The following JRK variants were observed in gnomAD, a reference collection of about 807,000 sequenced individuals.
JRK encodes Jrk helix-turn-helix protein.
For synonymous variants in JRK, 303 were observed against 218.1 expected (o/e 1.39, Z -3.43); for missense variants, 720 against 509.2 (o/e 1.41, Z -3.98).
Position 142,663,359 on chromosome 8 carries a change from C to T in JRK, c.*993G>A, listed in dbSNP as rs920348969. On this transcript the variant is annotated 3_prime_UTR_variant, in exon 2 of 2. Transcript: ENST00000612905. ...GAAAACTGACCAGGACAGACAACTCCTCCCCAAAAGTATTACTAACGTGCT... is the reference window on the plus strand; with the variant it reads ...GAAAACTGACCAGGACAGACAACTCTTCCCCAAAAGTATTACTAACGTGCT... 18 of 985,326 alleles carry T rather than the reference C, an allele frequency of 1.8e-5. No individual in the cohort carries two copies. Among genetic ancestry groups the T allele is most frequent in the African/African-American group, 1.7e-4 (10 of 57,252 alleles). The allele number at this position is 985,326 out of a possible 1,614,324, so 61.0% of individuals were successfully genotyped here.
In JRK at chr8:142,662,929, G is replaced by GA. The variant is rs1846961837; in HGVS notation, c.*1422dup. 1.1e-6 allele frequency: 1 copy of GA among 892,352 alleles called. No individual in the cohort carries two copies. Among genetic ancestry groups the GA allele is most frequent in the East Asian group, 1.2e-4 (1 of 8,390 alleles). 55.3% of individuals were successfully genotyped at this position (892,352 alleles called of 1,614,324 possible). On this transcript the variant is annotated 3_prime_UTR_variant, in exon 2 of 2. Coordinates refer to ENST00000612905, the MANE Select transcript of JRK (RefSeq NM_003724.4). Reference sequence around the variant, plus strand: ...AATCCCAGCACTTTAGAAGGATGAGGAAGGAGGATCGCTTGAGGCCAAGAG... The same window carrying GA: ...AATCCCAGCACTTTAGAAGGATGAGGAAAGGAGGATCGCTTGAGGCCAAGAG...
rs995684047 is a variant in JRK at position 142,664,030 on chromosome 8, C to T, written c.*322G>A. 2.5e-5 allele frequency: 29 copies of T among 1,151,830 alleles called. No individual in the cohort carries two copies. The highest frequency in any genetic ancestry group is 1.6e-4 in the African/African-American group (10 of 62,896). The allele number at this position is 1,151,830 out of a possible 1,614,324, so 71.4% of individuals were successfully genotyped here. On this transcript the variant is annotated 3_prime_UTR_variant, in exon 2 of 2. Transcript: ENST00000612905. ...TACTGCAATGATCAGCCAGCGAACA[C>T]GAGACCAGATCGGCTCAGCCTGGCC...
Position 142,659,551 on chromosome 8 carries a change from G to A in JRK, c.*4801C>T, listed in dbSNP as rs187165609. The A allele has an allele frequency of 3.2e-4, 314 of 985,718 alleles. 1 individual carries two copies. The African/African-American group carries it at 5.1e-3, about 16-fold the overall frequency. 61.1% of individuals were successfully genotyped at this position (985,718 alleles called of 1,614,324 possible). A position where few individuals can be genotyped will look rare whatever the true frequency, so the allele number is the denominator to read the frequency against. On this transcript the variant is annotated 3_prime_UTR_variant, in exon 2 of 2. Transcript: ENST00000612905. ...CTCCCACAATCTGCCCCTGGGTGCA[G>A]GGCCTTGAGCAGGGAGGCCATCGTG...
the JRK span, among the ~76,000 whole-genome samples, chr8:142,649,558 C>T: frequency 5.9e-5 from 9 of 152,210 alleles, no homozygotes; most frequent in East Asian, 3.9e-4. Context: ...CTCCCAGCTA[C>T]GTGGAACTGT....
chr8:142,648,909 G>A, the JRK span, among the ~76,000 whole-genome samples: 2 of 152,254 alleles, frequency 1.3e-5, no homozygotes, highest in Non-Finnish European at 2.9e-5. Context: ...GGGTGGAGCT[G>A]CCCAAGACCA....
chr8:142,661,001 T>C lies in JRK; in HGVS notation c.*3351A>G, dbSNP rs4736366. 671,705 of 985,220 alleles carry C rather than the reference T, an allele frequency of 0.68. 229,967 individuals are homozygous for C. The highest frequency in any genetic ancestry group is 0.72 in the Admixed American group (11,791 of 16,278). The allele number at this position is 985,220 out of a possible 1,614,324, so 61.0% of individuals were successfully genotyped here. A position where few individuals can be genotyped will look rare whatever the true frequency, so the allele number is the denominator to read the frequency against. ...TGCGACTTCCTTTCTTCCAATCAAC[T>C]CCACCACTAGCAATCAATCACTTGG... On this transcript the variant is annotated 3_prime_UTR_variant, in exon 2 of 2. Transcript: ENST00000612905.
chr8:142,647,755 C>T, the JRK span, among the ~76,000 whole-genome samples: 3 of 152,144 alleles, frequency 2.0e-5, no homozygotes, highest in Non-Finnish European at 4.4e-5. Context: ...TAGAGTGGGA[C>T]ACTGCTGAAA....
chr8:142,661,934 C>G lies in JRK; in HGVS notation c.*2418G>C, dbSNP rs1394722728. The G allele has an allele frequency of 3.0e-6, 3 of 985,434 alleles. No homozygotes were observed. The highest frequency in any genetic ancestry group is 1.1e-4 in the East Asian group (1 of 8,830). The allele number at this position is 985,434 out of a possible 1,614,324, so 61.0% of individuals were successfully genotyped here. A position where few individuals can be genotyped will look rare whatever the true frequency, so the allele number is the denominator to read the frequency against. ...GAGGCAAGAGGTATGCACCAGGCAG[C>G]TGGGCCCAGCAGCTCAGAGATGAGT... On this transcript the variant is annotated 3_prime_UTR_variant, in exon 2 of 2. Transcript: ENST00000612905.
intron 1 of JRK, among the ~76,000 whole-genome samples, chr8:142,669,535 G>GA (rs1211636275): frequency 1.1e-4 from 17 of 151,796 alleles, no homozygotes; most frequent in Non-Finnish European, 1.5e-4. Flanking sequence ...CAGAAATGGA[G>GA]AAAAAAAAGT....
chr8:142,653,063 A>T (rs935098925), downstream of JRK, among the ~76,000 whole-genome samples: 8 of 152,194 alleles, frequency 5.3e-5, no homozygotes, highest in South Asian at 6.2e-4. Flanking sequence ...CAAAAATTTT[A>T]AGTGCAAGAG....
chr8:142,663,464 C>G lies in JRK; in HGVS notation c.*888G>C. ...CTGTTTTCAGTGACTTACGTGCAAA[C>G]CTAAGACTAATCTCTGAATGTCTGA... On this transcript the variant is annotated 3_prime_UTR_variant, in exon 2 of 2. Transcript: ENST00000612905. 1.0e-6 allele frequency: 1 copy of G among 985,452 alleles called. No individual in the cohort carries two copies. Among genetic ancestry groups the G allele is most frequent in the Non-Finnish European group, 1.2e-6 (1 of 829,942 alleles). 61.0% of individuals were successfully genotyped at this position (985,452 alleles called of 1,614,324 possible). A position where few individuals can be genotyped will look rare whatever the true frequency, so the allele number is the denominator to read the frequency against.
chr8:142,664,318 C>G lies in JRK; in HGVS notation c.*34G>C. On this transcript the variant is annotated 3_prime_UTR_variant, in exon 2 of 2. Transcript: ENST00000612905. The stretch of plus-strand genomic sequence containing the variant: ...TGCCACTCCAGGGTGTGGGGAGAAA[C>G]AGGGCCAGTGGCCAGGGCAGGGCAG... 1.3e-6 allele frequency: 2 copies of G among 1,520,786 alleles called. No homozygotes were observed. The highest frequency in any genetic ancestry group is 1.8e-6 in the Non-Finnish European group (2 of 1,132,960). 94.2% of individuals were successfully genotyped at this position (1,520,786 alleles called of 1,614,324 possible). A position where few individuals can be genotyped will look rare whatever the true frequency, so the allele number is the denominator to read the frequency against.
rs1372805435 is a variant in JRK at position 142,664,989 on chromosome 8, T to G, written c.1070A>C (p.Tyr357Ser). ...PVPLQGPHAR[Y>S]NMNDAIFSVA... ...GCTGAATATGGCATCGTTCATGTTG[T>G]AGCGGGCGTGGGGGCCCTGCAGGGG... is the stretch of plus-strand genomic sequence containing the variant. Residue 357 changes from tyrosine (Y) to serine (S), a missense_variant, in exon 2 of 2, where the codon TAC (tyrosine) becomes TCC (serine). Physicochemically the swap from Tyr to Ser is moderately radical, Grantham distance 144. Coordinates refer to ENST00000612905, the MANE Select transcript of JRK (RefSeq NM_003724.4). 4 of 727,758 alleles carry G rather than the reference T, an allele frequency of 5.5e-6. No homozygotes were observed. In the African/African-American group the frequency reaches 6.9e-5, roughly 13 times the overall value. 45.1% of individuals were successfully genotyped at this position (727,758 alleles called of 1,614,324 possible). A position where few individuals can be genotyped will look rare whatever the true frequency, so the allele number is the denominator to read the frequency against.
the JRK span, among the ~76,000 whole-genome samples, chr8:142,645,454 C>T: frequency 1.3e-5 from 2 of 151,996 alleles, no homozygotes; most frequent in African/African-American, 2.4e-5. Context: ...CCGAGATGGG[C>T]GGATCACGAG....
chr8:142,644,415 T>C, the JRK span, among the ~76,000 whole-genome samples: 2 of 152,268 alleles, frequency 1.3e-5, no homozygotes, highest in South Asian at 4.1e-4. Flanking sequence ...TGGGAACACA[T>C]ACCAATAACA....
rs1846777659 is a variant in JRK, at chr8:142,657,466, AT to A, written c.*6885del. ...AGTAACACCTGAGGCTGAGTAATTT[AT>A]AAAGAAAAGAGGTTTATTTGGCTCA... On this transcript the variant is annotated 3_prime_UTR_variant, in exon 2 of 2. Transcript: ENST00000612905. 6.4e-6 allele frequency: 1 copy of A among 156,542 alleles called. No individual in the cohort carries two copies. Among genetic ancestry groups the A allele is most frequent in the Admixed American group, 6.5e-5 (1 of 15,400 alleles). 9.7% of individuals were successfully genotyped at this position (156,542 alleles called of 1,614,324 possible).
rs1388646127 is a variant in JRK, at chr8:142,664,276, G to A, written c.*76C>T. The A allele has an allele frequency of 7.5e-6, 11 of 1,465,280 alleles. No individual in the cohort carries two copies. Among genetic ancestry groups the A allele is most frequent in the Non-Finnish European group, 9.9e-6 (11 of 1,106,656 alleles). 90.8% of individuals were successfully genotyped at this position (1,465,280 alleles called of 1,614,324 possible). A position where few individuals can be genotyped will look rare whatever the true frequency, so the allele number is the denominator to read the frequency against. ...CACATGCCCTCCTGCCTCAGGTGGG[G>A]TCGGGGCACAGGACCATGCCACTCC... On this transcript the variant is annotated 3_prime_UTR_variant, in exon 2 of 2. Coordinates refer to ENST00000612905, the MANE Select transcript of JRK (RefSeq NM_003724.4).
Position 142,665,245 on chromosome 8 carries a change from G to T in JRK, c.814C>A (p.His272Asn), listed in dbSNP as rs1847073500. The change falls in exon 2 of 2, where the codon CAT (histidine) becomes AAT (asparagine). Residue 272 changes from histidine to asparagine, a missense_variant. Transcript: ENST00000612905. ...VDKEIFSDWF[H>N]HIFVPSVREH... ...CTCACCGAGGGCACAAAGATATGAT[G>T]GAACCAATCGGAAAAAATCTCCTTG... 1.4e-6 allele frequency: 1 copy of T among 717,772 alleles called. No individual in the cohort carries two copies. The allele number at this position is 717,772 out of a possible 1,614,324, so 44.5% of individuals were successfully genotyped here.
chr8:142,669,600 T>C (rs187688773), intron 1 of JRK, among the ~76,000 whole-genome samples: 2 of 151,678 alleles, frequency 1.3e-5, no homozygotes, highest in Non-Finnish European at 2.9e-5. Flanking sequence ...TCTCTGAGAG[T>C]GGAAGCGCAG....
Sources: gnomAD v4.1 joint callset for allele counts (sites outside exome capture counted in the v4.1 genomes callset) on GRCh38, gnomAD v4.1.1 for gene constraint, MANE v1.5 for transcripts, NCBI Gene and HGNC (gene_info 2026-07-23, HGNC 2026-07-21) for gene names.